Variants in UTRN observed in about 807,000 individuals in gnomAD.
UTRN encodes the protein utrophin, also known as dystrophin-related protein 1.
A neutral mutation model predicts 463.9 loss-of-function variants in UTRN; 283 were observed. That is an observed-to-expected ratio of 0.61 (90% CI 0.55 to 0.67). The LOEUF is 0.67. UTRN is among the 30% of genes least tolerant of loss of function. The pLI is 0.00. For synonymous variants in UTRN, 1,442 were observed against 1,431.5 expected (o/e 1.01, Z -0.17); for missense variants, 3,922 against 4,084.3 (o/e 0.96, Z 1.08).
At position 144,732,263 on chromosome 6, in the gene UTRN, C is replaced by CACAT. The variant is rs1788718526; in HGVS notation, c.7939+1778_7939+1779insCATA. ...ACATATATATATATATATATACACA[C>CACAT]ATATATATATATATACACACATATA... On this transcript the variant is annotated intron_variant, in intron 54 of 74. Coordinates refer to ENST00000367545, the MANE Select transcript of UTRN (RefSeq NM_007124.3). 1.3e-4 allele frequency among the ~76,000 whole-genome samples: 13 copies of CACAT among 98,036 alleles called. No homozygotes were observed. The Admixed American group carries it at 1.6e-3, about 12-fold the overall frequency. The allele number at this position is 98,036 out of a possible 152,430, so 64.3% of individuals were successfully genotyped here. A position where few individuals can be genotyped will look rare whatever the true frequency, so the allele number is the denominator to read the frequency against.
chr6:144,539,323 T>C lies in UTRN; in HGVS notation c.6399T>C (p.Ala2133=). 2 of 1,612,824 alleles carry C rather than the reference T, an allele frequency of 1.2e-6. No individual in the cohort carries two copies. The highest frequency in any genetic ancestry group is 1.7e-6 in the Non-Finnish European group (2 of 1,179,496). Residue 2133 remains alanine, a synonymous_variant, in exon 45 of 75, where the codon GCT becomes GCC. Coordinates refer to ENST00000367545, the MANE Select transcript of UTRN (RefSeq NM_007124.3). ...RDLTQEMEVH[A]EKLKWLNRTE... ...TAACTCAAGAAATGGAAGTACATGCTGAAAAACTCAAATGGCTGAATAGAA... is the reference window on the plus strand; with the variant it reads ...TAACTCAAGAAATGGAAGTACATGCCGAAAAACTCAAATGGCTGAATAGAA...
chr6:144,804,981 C>T (rs1778018439), intron 65 of UTRN, among the ~76,000 whole-genome samples: 1 of 152,072 alleles, frequency 6.6e-6, no homozygotes, highest in African/African-American at 2.4e-5. Flanking sequence ...CTTAATAATC[C>T]CTTTTTTAAG....
intron 25 of UTRN, among the ~76,000 whole-genome samples, chr6:144,478,732 C>T (rs1486202872): frequency 2.6e-5 from 4 of 152,164 alleles, no homozygotes; most frequent in Admixed American, 1.3e-4. Flanking sequence ...GGCAGGGTGG[C>T]CACTACTGTG....
At chr6:144,433,408 C>T (rs1272051905) in intron 9 of UTRN, among the ~76,000 whole-genome samples, 2 of 148,336 alleles carry the variant, frequency 1.3e-5, no homozygotes, top group Admixed American at 6.7e-5. Context: ...CGGGCGGAGA[C>T]GCTCCTCACT....
At chr6:144,730,244 T>G in intron 53 of UTRN, 113 bp from the exon 54 acceptor site, 1 of 1,187,982 alleles carries the variant, frequency 8.4e-7, no homozygotes, top group Middle Eastern at 2.6e-4. Flanking sequence ...CTGAAATGCT[T>G]GCTATTAGTC....
chr6:144,513,428 C>T (rs761783167), intron 35 of UTRN, among the ~76,000 whole-genome samples: 3 of 151,934 alleles, frequency 2.0e-5, no homozygotes, highest in Non-Finnish European at 2.9e-5. Flanking sequence ...TGCAAGCCTG[C>T]AGTCCCAGCT....
intron 33 of UTRN, among the ~76,000 whole-genome samples, chr6:144,497,347 T>C (rs1337545078): frequency 2.6e-5 from 4 of 151,024 alleles, no homozygotes; most frequent in Non-Finnish European, 4.4e-5. Context: ...GGCTTGATGA[T>C]GTGGATGGTG....
intron 50 of UTRN, among the ~76,000 whole-genome samples, chr6:144,564,380 G>A (rs9399480): frequency 1.3e-5 from 2 of 152,214 alleles, no homozygotes; most frequent in South Asian, 2.1e-4. Context: ...AGGCAGGAAA[G>A]AGCACAGCAT....
At chr6:144,684,358 C>G (rs1782530054) in intron 52 of UTRN, among the ~76,000 whole-genome samples, 1 of 152,116 alleles carries the variant, frequency 6.6e-6, no homozygotes, top group South Asian at 2.1e-4. Flanking sequence ...CCCCATTTAC[C>G]TTTTATTCTC....
chr6:144,604,715 AC>A (rs1372951512), intron 51 of UTRN, among the ~76,000 whole-genome samples: 1 of 152,140 alleles, frequency 6.6e-6, no homozygotes, highest in African/African-American at 2.4e-5. Flanking sequence ...GGAGTTCGAG[AC>A]CAGCCTGGCC....
chr6:144,715,411 G>T (rs6903001), intron 53 of UTRN, among the ~76,000 whole-genome samples: 12,388 of 152,164 alleles, frequency 0.081, 1,701 homozygotes, highest in African/African-American at 0.28. Flanking sequence ...ATCAAACTCT[G>T]TAGGGGCTTC....
chr6:144,703,278 G>A (rs1784767917), intron 53 of UTRN, among the ~76,000 whole-genome samples: 3 of 152,174 alleles, frequency 2.0e-5, no homozygotes, highest in Admixed American at 2.0e-4. Flanking sequence ...GTCTGGGAAG[G>A]AAATGTAAGA....
intron 51 of UTRN, among the ~76,000 whole-genome samples, chr6:144,658,063 TTGG>T (rs1411626177): frequency 6.6e-6 from 1 of 152,170 alleles, no homozygotes; most frequent in Non-Finnish European, 1.5e-5. Flanking sequence ...GTTCTGATGG[TTGG>T]TCTTCATGCT....
chr6:144,571,047 A>T (rs1800895326), intron 50 of UTRN, among the ~76,000 whole-genome samples: 1 of 152,204 alleles, frequency 6.6e-6, no homozygotes, highest in Admixed American at 6.5e-5. Context: ...AATTCTGATT[A>T]TGGGAAATGA....
intron 61 of UTRN, among the ~76,000 whole-genome samples, chr6:144,782,594 T>A (rs1775933740): frequency 1.3e-5 from 2 of 151,140 alleles, no homozygotes; most frequent in Non-Finnish European, 2.9e-5. Context: ...CTTTTAATAT[T>A]TGCTTTATTT....
chr6:144,541,278 C>T (rs1028148483), intron 45 of UTRN, among the ~76,000 whole-genome samples: 1 of 152,200 alleles, frequency 6.6e-6, no homozygotes, highest in South Asian at 2.1e-4. Flanking sequence ...TCTCTCTCCC[C>T]TACACTCCTT....
At chr6:144,543,681 C>CTCTACCTCT (rs1374830715) in intron 46 of UTRN, among the ~76,000 whole-genome samples, 3 of 152,138 alleles carry the variant, frequency 2.0e-5, no homozygotes, top group Non-Finnish European at 4.4e-5. Context: ...CGTCCTCCAC[C>CTCTACCTCT]TCTACCTCTT....
In UTRN at chr6:144,522,125, A is replaced by G; in HGVS notation, c.5687A>G (p.Asn1896Ser). Reference protein sequence around the residue: ...VELSLNVPELNTAIYEDFSFQ... With the variant: ...VELSLNVPELSTAIYEDFSFQ... The stretch of plus-strand genomic sequence containing the variant: ...TTATCGCTTAATGTTCCAGAGCTCA[A>G]CACTGCTATTTACGAAGACTTCTCT... Residue 1896 changes from asparagine (N) to serine (S), a missense_variant, in exon 40 of 75, where the codon AAC becomes AGC. Asn to Ser is a conservative substitution (Grantham distance 46, BLOSUM62 1). This residue lies in a region of UTRN where 2,349 missense variants were observed against 2,303.8 expected (regional missense o/e 1.02). Transcript: ENST00000367545. The G allele has an allele frequency of 1.9e-6, 3 of 1,581,186 alleles. No individual in the cohort carries two copies. The highest frequency in any genetic ancestry group is 2.3e-5 in the South Asian group (2 of 85,698).
At chr6:144,436,833 AT>A (rs1472575976) in intron 10 of UTRN, among the ~76,000 whole-genome samples, 62 of 144,020 alleles carry the variant, frequency 4.3e-4, no homozygotes, top group Admixed American at 9.8e-4. Flanking sequence ...TATATATTTT[AT>A]TTTATATATA....
Sources: allele counts gnomAD v4.1 joint callset (sites outside exome capture counted in the v4.1 genomes callset), GRCh38; gene constraint gnomAD v4.1.1; regional missense constraint gnomAD v4.1.1; transcripts MANE v1.5; gene names NCBI Gene and HGNC (gene_info 2026-07-23, HGNC 2026-07-21).